Variants in ZBTB26 observed in about 807,000 individuals in gnomAD.
ZBTB26 encodes zinc finger and BTB domain-containing protein 26.
Under a neutral mutation model 31.6 loss-of-function variants are expected in ZBTB26, and 12 were observed. The ratio of observed to expected loss-of-function variants is 0.38; its 90% CI spans 0.24 to 0.61. The LOEUF is 0.61. ZBTB26 is among the 20% of genes least tolerant of loss of function. ZBTB26 has a pLI of 0.60. For missense variants in ZBTB26, 311 were observed against 521.9 expected (o/e 0.60, Z 3.94); for synonymous variants, 155 against 182.9 (o/e 0.85, Z 1.23).
At chr9:122,922,410 C>T (rs1052680230) in intron 1 of ZBTB26, among the ~76,000 whole-genome samples, 1 of 152,172 alleles carries the variant, frequency 6.6e-6, no homozygotes, top group Admixed American at 6.5e-5. Context: ...ATACTTATTC[C>T]TTCCCATCCA....
intron 1 of ZBTB26, among the ~76,000 whole-genome samples, chr9:122,920,376 C>CA (rs1833077427): frequency 6.6e-6 from 1 of 152,150 alleles, no homozygotes; most frequent in Admixed American, 6.5e-5. Flanking sequence ...AAGGCAAAAG[C>CA]AATTGTCTCC....
chr9:122,922,495 A>G lies in ZBTB26; in HGVS notation c.-10-2551T>C, dbSNP rs115436597. Among the ~76,000 whole-genome samples, 1,492 of 152,328 alleles carry G rather than the reference A, an allele frequency of 9.8e-3. 29 individuals are homozygous for G. Among genetic ancestry groups the G allele is most frequent in the African/African-American group, 0.034 (1,421 of 41,578 alleles). On this transcript the variant is annotated intron_variant, in intron 1 of 1. Coordinates refer to ENST00000373656, the MANE Select transcript of ZBTB26 (RefSeq NM_020924.4). ...GAACTTGCATCTTCTAAGACAAAAT[A>G]TTCTTTACTTTTGCTTTGAATTATA...
chr9:122,924,062 G>A (rs529489525), intron 1 of ZBTB26, among the ~76,000 whole-genome samples: 2 of 152,304 alleles, frequency 1.3e-5, no homozygotes, highest in South Asian at 2.1e-4. Flanking sequence ...AGTATACTCC[G>A]TGATATTCAC....
At chr9:122,923,506 C>G (rs1044134603) in intron 1 of ZBTB26, among the ~76,000 whole-genome samples, 1 of 152,212 alleles carries the variant, frequency 6.6e-6, no homozygotes, top group Non-Finnish European at 1.5e-5. Context: ...TCACTTTTAG[C>G]AACTGCAGTA....
At chr9:122,928,753 A>T (rs1833222891) in intron 1 of ZBTB26, among the ~76,000 whole-genome samples, 1 of 152,238 alleles carries the variant, frequency 6.6e-6, no homozygotes, top group African/African-American at 2.4e-5. Flanking sequence ...GTACTCAAAA[A>T]TACCTGTTCT....
At chr9:122,920,401 T>C (rs974054779) in intron 1 of ZBTB26, among the ~76,000 whole-genome samples, 15 of 152,164 alleles carry the variant, frequency 9.9e-5, no homozygotes, top group Admixed American at 6.5e-4. Context: ...TTCAGAACTC[T>C]AATATGGAGA....
At position 122,918,137 on chromosome 9, in the gene ZBTB26, C is replaced by T. The variant is rs1026447298; in HGVS notation, c.*472G>A. Reference sequence around the variant, plus strand: ...CATTTATCAGACATGGAGGAATAATCAATAGGCAACCAGAAGTTCTATCAC... The same window carrying T: ...CATTTATCAGACATGGAGGAATAATTAATAGGCAACCAGAAGTTCTATCAC... On this transcript the variant is annotated 3_prime_UTR_variant, in exon 2 of 2. Coordinates refer to ENST00000373656, the MANE Select transcript of ZBTB26 (RefSeq NM_020924.4). 1.0e-4 allele frequency: 16 copies of T among 156,514 alleles called. No homozygotes were observed. Among genetic ancestry groups the T allele is most frequent in the African/African-American group, 2.2e-4 (9 of 41,484 alleles). The allele number at this position is 156,514 out of a possible 1,614,324, so 9.7% of individuals were successfully genotyped here.
rs1373342637 is a variant in ZBTB26, at chr9:122,917,092, A to G, written c.*1517T>C. 4 of 152,234 alleles carry G rather than the reference A, an allele frequency of 2.6e-5. No homozygotes were observed. Among genetic ancestry groups the G allele is most frequent in the Non-Finnish European group, 5.9e-5 (4 of 68,046 alleles). The allele number at this position is 152,234 out of a possible 1,614,324, so 9.4% of individuals were successfully genotyped here. A position where few individuals can be genotyped will look rare whatever the true frequency, so the allele number is the denominator to read the frequency against. ...TATTCATCTAACTAAAAAATAATTA[A>G]TATAAATCCCTCTGCGATATTTTGT... On this transcript the variant is annotated 3_prime_UTR_variant, in exon 2 of 2. Coordinates refer to ENST00000373656, the MANE Select transcript of ZBTB26 (RefSeq NM_020924.4).
intron 1 of ZBTB26, among the ~76,000 whole-genome samples, chr9:122,928,026 G>A (rs1833209946): frequency 6.6e-6 from 1 of 151,948 alleles, no homozygotes; most frequent in South Asian, 2.1e-4. Context: ...GTAGAGATGG[G>A]GTTTCACCAT....
chr9:122,928,272 T>C (rs1833213849), intron 1 of ZBTB26, among the ~76,000 whole-genome samples: 2 of 152,142 alleles, frequency 1.3e-5, no homozygotes, highest in African/African-American at 4.8e-5. Flanking sequence ...GCAATTTATG[T>C]TGATGAATAT....
intron 1 of ZBTB26, among the ~76,000 whole-genome samples, chr9:122,930,664 C>T (rs1230178930): frequency 1.3e-5 from 2 of 152,138 alleles, no homozygotes; most frequent in African/African-American, 4.8e-5. Flanking sequence ...GTCGACTTTC[C>T]CAGTCTCATA....
chr9:122,928,791 A>G (rs983642571), intron 1 of ZBTB26, among the ~76,000 whole-genome samples: 2 of 152,236 alleles, frequency 1.3e-5, no homozygotes, highest in African/African-American at 4.8e-5. Context: ...CTTGAAATGC[A>G]TGATGCCTGC....
At chr9:122,920,051 T>C (rs759627040) in intron 1 of ZBTB26, 107 bp from the exon 2 acceptor site, 21 of 1,267,534 alleles carry the variant, frequency 1.7e-5, no homozygotes, top group Non-Finnish European at 2.2e-5. Context: ...CTGTTTTGTA[T>C]GTATCCAAAT....
intron 1 of ZBTB26, among the ~76,000 whole-genome samples, chr9:122,926,610 C>T (rs1833185910): frequency 6.6e-6 from 1 of 151,764 alleles, no homozygotes; most frequent in South Asian, 2.1e-4. Context: ...ACACTTATGA[C>T]TTGTATATTT....
chr9:122,920,970 C>A (rs193197137), intron 1 of ZBTB26, among the ~76,000 whole-genome samples: 1 of 152,290 alleles, frequency 6.6e-6, no homozygotes, highest in East Asian at 1.9e-4. Flanking sequence ...TATACCCCAC[C>A]CCTGCCTAAA....
rs115664618 is a variant in ZBTB26, at chr9:122,923,504, A to G, written c.-10-3560T>C. ...AAAACTATTATCATTGGTCACTTTT[A>G]GCAACTGCAGTAGCTTAAAATACTC... On this transcript the variant is annotated intron_variant, in intron 1 of 1. Coordinates refer to ENST00000373656, the MANE Select transcript of ZBTB26 (RefSeq NM_020924.4). Among the ~76,000 whole-genome samples, 1,522 of 152,348 alleles carry G rather than the reference A, an allele frequency of 1.0e-2. 25 individuals carry two copies. The highest frequency in any genetic ancestry group is 0.035 in the African/African-American group (1,457 of 41,576).
chr9:122,924,514 G>C (rs1833148305), intron 1 of ZBTB26, among the ~76,000 whole-genome samples: 1 of 152,024 alleles, frequency 6.6e-6, no homozygotes, highest in South Asian at 2.1e-4. Flanking sequence ...CTATGGTACA[G>C]ATGCTCTTCA....
rs995606749 is a variant in ZBTB26, at chr9:122,916,816, A to G, written c.*1793T>C. 6.6e-6 allele frequency: 1 copy of G among 152,240 alleles called. No homozygotes were observed. Among genetic ancestry groups the G allele is most frequent in the Non-Finnish European group, 1.5e-5 (1 of 68,034 alleles). 9.4% of individuals were successfully genotyped at this position (152,240 alleles called of 1,614,324 possible). On this transcript the variant is annotated 3_prime_UTR_variant, in exon 2 of 2. Transcript: ENST00000373656. ...TGACTCACATGATGATAATTTACAT[A>G]TGATAACAATGATACATGTAAACGT...
intron 1 of ZBTB26, among the ~76,000 whole-genome samples, chr9:122,921,613 T>C (rs1047454767): frequency 5.9e-5 from 9 of 152,240 alleles, no homozygotes; most frequent in African/African-American, 2.2e-4. Context: ...CCAGACCTAA[T>C]GATACTTGTT....
Sources: gnomAD v4.1 joint callset for allele counts (sites outside exome capture counted in the v4.1 genomes callset) on GRCh38, gnomAD v4.1.1 for gene constraint, MANE v1.5 for transcripts, NCBI Gene and HGNC (gene_info 2026-07-23, HGNC 2026-07-21) for gene names.